The following TENM1 variants were observed in gnomAD, a reference collection of about 807,000 sequenced individuals.
TENM1 encodes teneurin transmembrane protein 1, also known as teneurin-1.
In TENM1, 35 loss-of-function variants were observed where a neutral mutation model predicts 174.8. That is an observed-to-expected ratio of 0.20 (90% CI 0.15 to 0.27). The LOEUF (loss-of-function observed/expected upper bound fraction) is 0.27, where lower values mean the gene tolerates loss of function less well. Ranked by LOEUF, TENM1 falls within the 10% of genes least tolerant of loss-of-function variation. TENM1 has a pLI of 1.00. For synonymous variants in TENM1, 781 were observed against 798.7 expected, an observed-to-expected ratio of 0.98 and a Z score of 0.37; for missense variants, 1,633 against 2,130.1, an observed-to-expected ratio of 0.77 and a Z score of 4.59.
chrX:124,571,553 G>A (rs1318516817), intron 11 of TENM1, among the ~76,000 whole-genome samples: 1 of 111,556 alleles, frequency 9.0e-6, no homozygotes, highest in Non-Finnish European at 1.9e-5. Context: ...CTGCATCTTT[G>A]AGATGAATAT....
the TENM1 span, among the ~76,000 whole-genome samples, chrX:125,071,110 T>C: frequency 8.9e-6 from 1 of 111,929 alleles, no homozygotes; most frequent in East Asian, 2.8e-4. Flanking sequence ...GATACTGTCA[T>C]GTAGCCAGCT....
intron 18 of TENM1, among the ~76,000 whole-genome samples, chrX:124,512,473 G>T (rs759580792): frequency 4.5e-5 from 5 of 111,112 alleles, no homozygotes; most frequent in African/African-American, 1.6e-4. Context: ...TCTTTAAGCC[G>T]GATGAACTAG....
At chrX:124,485,901 GT>G (rs778130461) in intron 21 of TENM1, among the ~76,000 whole-genome samples, 3 of 111,961 alleles carry the variant, frequency 2.7e-5, no homozygotes, top group African/African-American at 6.5e-5. Flanking sequence ...TGAGCAACAT[GT>G]CCTATTTTGC....
intron 28 of TENM1, among the ~76,000 whole-genome samples, chrX:124,389,652 T>C (rs1292727106): frequency 9.2e-6 from 1 of 108,810 alleles, no homozygotes; most frequent in African/African-American, 3.3e-5. Context: ...CCTCCCTTAC[T>C]TTCTTCTGCT....
At chrX:124,794,770 C>G (rs1446273884) in intron 3 of TENM1, among the ~76,000 whole-genome samples, 2 of 111,692 alleles carry the variant, frequency 1.8e-5, no homozygotes, top group Non-Finnish European at 3.8e-5. Context: ...CTTCTGTGAC[C>G]TGGTTGCTGT....
the TENM1 span, among the ~76,000 whole-genome samples, chrX:125,076,954 C>T: frequency 9.0e-6 from 1 of 110,578 alleles, no homozygotes; most frequent in Non-Finnish European, 1.9e-5. Context: ...CTCAGATTCC[C>T]TTCTTAGCAT....
intron 3 of TENM1, among the ~76,000 whole-genome samples, chrX:124,803,140 C>T (rs1378010642): frequency 9.0e-6 from 1 of 111,704 alleles, no homozygotes; most frequent in Non-Finnish European, 1.9e-5. Flanking sequence ...TAGAAAAGTA[C>T]CAAGAGTAAT....
At chrX:125,067,879 A>G in the TENM1 span, among the ~76,000 whole-genome samples, 28 of 112,120 alleles carry the variant, frequency 2.5e-4, no homozygotes, top group Middle Eastern at 4.6e-3. Context: ...GCTTTGAAAT[A>G]GCCTAAAATT....
intron 11 of TENM1, among the ~76,000 whole-genome samples, chrX:124,604,044 C>T (rs886236051): frequency 1.8e-5 from 2 of 111,519 alleles, no homozygotes; most frequent in African/African-American, 6.5e-5. Flanking sequence ...TTAATATGAT[C>T]ATATTCTTCC....
At chrX:124,466,690 T>A (rs1255596531) in intron 22 of TENM1, among the ~76,000 whole-genome samples, 1 of 111,531 alleles carries the variant, frequency 9.0e-6, no homozygotes, top group East Asian at 2.8e-4. Context: ...GTATAACAAG[T>A]GAAAATCAGA....
intron 11 of TENM1, among the ~76,000 whole-genome samples, chrX:124,609,755 T>C (rs1170069695): frequency 1.8e-5 from 2 of 111,471 alleles, no homozygotes; most frequent in Non-Finnish European, 3.8e-5. Flanking sequence ...ATAATTCAGC[T>C]AGAGTACAGA....
chrX:125,028,092 G>A, the TENM1 span, among the ~76,000 whole-genome samples: 6 of 111,749 alleles, frequency 5.4e-5, no homozygotes, highest in African/African-American at 1.9e-4. Context: ...CTTCGACCCA[G>A]AAATTCCACT....
At chrX:125,065,962 C>T in the TENM1 span, among the ~76,000 whole-genome samples, 42 of 111,911 alleles carry the variant, frequency 3.8e-4, no homozygotes, top group Admixed American at 1.6e-3. Context: ...CAATTGTAGG[C>T]TCCTCCTCTT....
intron 4 of TENM1, among the ~76,000 whole-genome samples, chrX:124,710,603 CA>C (rs1345386101): frequency 8.9e-6 from 1 of 111,938 alleles, no homozygotes; most frequent in Non-Finnish European, 1.9e-5. Context: ...AATGCAGTTT[CA>C]TAAGTAAAAT....
chrX:124,404,155 A>C (rs1458790557), intron 27 of TENM1, among the ~76,000 whole-genome samples: 1 of 111,812 alleles, frequency 8.9e-6, no homozygotes, highest in Non-Finnish European at 1.9e-5. Context: ...CCGAAACTTT[A>C]TATATAACAG....
At chrX:125,141,261 C>T in the TENM1 span, among the ~76,000 whole-genome samples, 4 of 111,749 alleles carry the variant, frequency 3.6e-5, no homozygotes, top group Non-Finnish European at 7.5e-5. Context: ...TAGGGCCAGG[C>T]CATCCATACT....
intron 22 of TENM1, among the ~76,000 whole-genome samples, chrX:124,470,050 G>A (rs2061282391): frequency 9.0e-6 from 1 of 111,584 alleles, no homozygotes; most frequent in South Asian, 3.7e-4. Flanking sequence ...CACTATTAGT[G>A]AGACTGTAAA....
intron 3 of TENM1, among the ~76,000 whole-genome samples, chrX:124,751,635 TC>T (rs1251392323): frequency 1.6e-5 from 1 of 64,274 alleles, no homozygotes; most frequent in Non-Finnish European, 3.1e-5. Flanking sequence ...ATGCTATCCC[TC>T]CCCCCTCCCC....
chrX:125,191,568 T>A, the TENM1 span, among the ~76,000 whole-genome samples: 1 of 112,000 alleles, frequency 8.9e-6, no homozygotes, highest in South Asian at 3.7e-4. Context: ...CTGAATGAAG[T>A]AAGAAAGTAA....
Sources: gnomAD v4.1 joint callset for allele counts (sites outside exome capture counted in the v4.1 genomes callset) on GRCh38, gnomAD v4.1.1 for gene constraint, MANE v1.5 for transcripts, NCBI Gene and HGNC (gene_info 2026-07-23, HGNC 2026-07-21) for gene names.